The following ZFHX3 variants were observed in gnomAD, a reference collection of about 807,000 sequenced individuals.
The protein encoded by ZFHX3 is zinc finger homeobox 3.
A neutral mutation model predicts 279.1 loss-of-function variants in ZFHX3; 42 were observed. That is an observed-to-expected ratio of 0.15 (90% CI 0.12 to 0.19). ZFHX3 has a LOEUF of 0.19. Among genes scored for constraint, ZFHX3 ranks in the 10% least tolerant of loss-of-function variants. ZFHX3 has a pLI of 1.00. For synonymous variants in ZFHX3, 2,293 were observed against 1,957.8 expected, an observed-to-expected ratio of 1.17 and a Z score of -4.52; for missense variants, 4,981 against 4,754.0, an observed-to-expected ratio of 1.05 and a Z score of -1.40.
chr16:73,740,631 A>C (rs1287456256), intron 1 of ZFHX3, among the ~76,000 whole-genome samples: 2 of 151,872 alleles, frequency 1.3e-5, no homozygotes, highest in Admixed American at 1.3e-4. Context: ...AAAAAAGCAA[A>C]ATACAAATAC....
chr16:72,934,287 G>T (rs1220489179), intron 3 of ZFHX3, among the ~76,000 whole-genome samples: 7 of 152,112 alleles, frequency 4.6e-5, no homozygotes, highest in Non-Finnish European at 1.0e-4. Context: ...AGTTAGCCGG[G>T]CCTGGTGGCG....
At chr16:73,217,409 G>T (rs1272338797) in intron 5 of ZFHX3, among the ~76,000 whole-genome samples, 1 of 152,128 alleles carries the variant, frequency 6.6e-6, no homozygotes, top group Non-Finnish European at 1.5e-5. Context: ...GTCAAATAAG[G>T]AAGTCAGGTC....
At chr16:73,483,329 G>C (rs566520649) in intron 2 of ZFHX3, 32 of 437,778 alleles carry the variant, frequency 7.3e-5, no homozygotes, top group Admixed American at 2.5e-4. Context: ...GAGCGAGCGA[G>C]TGAGAGACAG....
chr16:73,333,808 A>C (rs1404787933), intron 3 of ZFHX3, among the ~76,000 whole-genome samples: 1,155 of 99,746 alleles, frequency 0.012, 20 homozygotes, highest in African/African-American at 0.029. Flanking sequence ...AAGAGACCAA[A>C]AAAAAAAAAA....
chr16:73,582,856 T>A (rs34423000), intron 2 of ZFHX3, among the ~76,000 whole-genome samples: 1 of 151,836 alleles, frequency 6.6e-6, no homozygotes, highest in Non-Finnish European at 1.5e-5. Flanking sequence ...TCAGCAAGAG[T>A]GCTTAAGAAG....
At chr16:73,473,363 A>AAC (rs1327910732) in intron 2 of ZFHX3, among the ~76,000 whole-genome samples, 76 of 60,750 alleles carry the variant, frequency 1.3e-3, no homozygotes, top group African/African-American at 4.3e-3. Context: ...AAAAACAAAA[A>AAC]AAAAAAAAAC....
intron 1 of ZFHX3, among the ~76,000 whole-genome samples, chr16:73,742,281 G>C (rs961939980): frequency 6.6e-6 from 1 of 152,082 alleles, no homozygotes; most frequent in Non-Finnish European, 1.5e-5. Context: ...TACAAAAATA[G>C]TGTCTTCATA....
intron 2 of ZFHX3, among the ~76,000 whole-genome samples, chr16:73,625,114 T>A (rs1414585455): frequency 1.3e-5 from 2 of 152,240 alleles, no homozygotes; most frequent in Non-Finnish European, 2.9e-5. Context: ...ATTATTTAAA[T>A]ACAATATAGA....
intron 4 of ZFHX3, among the ~76,000 whole-genome samples, chr16:72,834,600 TC>T (rs1436501657): frequency 1.3e-5 from 2 of 152,094 alleles, no homozygotes; most frequent in Non-Finnish European, 2.9e-5. Context: ...TGAAATCTGC[TC>T]CTGAAGGAGG....
At chr16:73,158,595 C>G (rs747918169) in intron 5 of ZFHX3, among the ~76,000 whole-genome samples, 6 of 152,108 alleles carry the variant, frequency 3.9e-5, no homozygotes, top group Non-Finnish European at 8.8e-5. Flanking sequence ...CTTCTAGATT[C>G]TTTAGGTAGG....
intron 5 of ZFHX3, among the ~76,000 whole-genome samples, chr16:73,211,718 T>C (rs1329931796): frequency 6.6e-6 from 1 of 152,096 alleles, no homozygotes. Flanking sequence ...CTCTTGGTTA[T>C]TATGATTTTG....
At position 72,788,466 on chromosome 16, in the gene ZFHX3, G is replaced by A. The variant is rs1211283238; in HGVS notation, c.9810C>T (p.Ala3270=). 1.9e-6 allele frequency: 3 copies of A among 1,614,220 alleles called. No individual in the cohort carries two copies. The highest frequency in any genetic ancestry group is 2.5e-6 in the Non-Finnish European group (3 of 1,180,032). The part of the protein sequence containing the change: ...EKGEAPTATA[A]TISAPLPTME... ...TGGTGGGCAGCGGGGCTGAGATCGT[G>A]GCTGCAGTTGCCGTGGGGGCCTCTC... Residue 3270 remains alanine, a synonymous_variant, in exon 10 of 10, where the codon GCC becomes GCT. Transcript: ENST00000268489.
intron 2 of ZFHX3, among the ~76,000 whole-genome samples, chr16:73,676,728 C>T (rs1326156568): frequency 6.6e-5 from 10 of 151,758 alleles, no homozygotes; most frequent in Non-Finnish European, 1.3e-4. Flanking sequence ...AGAAGAAATA[C>T]ACCTAAGACA....
At chr16:73,784,539 G>C (rs1164214628) in intron 1 of ZFHX3, among the ~76,000 whole-genome samples, 1 of 151,996 alleles carries the variant, frequency 6.6e-6, no homozygotes, top group Non-Finnish European at 1.5e-5. Flanking sequence ...ATGAGGTCAA[G>C]AGATCGAGAC....
intron 1 of ZFHX3, among the ~76,000 whole-genome samples, chr16:73,018,514 G>T (rs1051419386): frequency 6.6e-6 from 1 of 152,054 alleles, no homozygotes; most frequent in Admixed American, 6.5e-5. Flanking sequence ...CAGGAGGATC[G>T]CTTGAACCCA....
At chr16:73,750,857 G>T (rs560821851) in intron 1 of ZFHX3, among the ~76,000 whole-genome samples, 1 of 152,246 alleles carries the variant, frequency 6.6e-6, no homozygotes, top group African/African-American at 2.4e-5. Context: ...AAATCAAAGG[G>T]AGTGAAATAT....
At chr16:73,231,713 T>C (rs1223812494) in intron 5 of ZFHX3, among the ~76,000 whole-genome samples, 5 of 152,182 alleles carry the variant, frequency 3.3e-5, no homozygotes, top group African/African-American at 9.7e-5. Context: ...ATCCCTAATA[T>C]TGGGTTTCAC....
At position 72,864,065 on chromosome 16, in the gene ZFHX3, C is replaced by T. The variant is rs185378275; in HGVS notation, c.3448+25666G>A. On this transcript the variant is annotated intron_variant, in intron 4 of 9. Coordinates refer to ENST00000268489, the MANE Select transcript of ZFHX3 (RefSeq NM_006885.4). ...CCGGGAGGCAGAGCTTGCAGTGAGC[C>T]GAGACAGTGCCACTTGCAGTCCGGC... Among the ~76,000 whole-genome samples, 12 of 151,962 alleles carry T rather than the reference C, an allele frequency of 7.9e-5. No homozygotes were observed. In the East Asian group the frequency reaches 1.7e-3, roughly 22 times the overall value.
intron 3 of ZFHX3, among the ~76,000 whole-genome samples, chr16:73,419,700 A>G (rs1162593337): frequency 1.3e-5 from 2 of 151,450 alleles, no homozygotes; most frequent in Non-Finnish European, 2.9e-5. Context: ...CACCTGCCTC[A>G]GCCTCTCAAA....
Sources: gnomAD v4.1 joint callset for allele counts (sites outside exome capture counted in the v4.1 genomes callset) on GRCh38, gnomAD v4.1.1 for gene constraint, MANE v1.5 for transcripts, NCBI Gene and HGNC (gene_info 2026-07-23, HGNC 2026-07-21) for gene names.